SMARCE1: variants seen among roughly 807,000 people sequenced by gnomAD.
SMARCE1 encodes the protein SWI/SNF-related matrix-associated actin-dependent regulator of chromatin subfamily E member 1.
Under a neutral mutation model 54.9 loss-of-function variants are expected in SMARCE1, and 13 were observed. The observed-to-expected ratio is 0.24, with a 90% CI of 0.15 to 0.38. The LOEUF is 0.38. Ranked by LOEUF, SMARCE1 falls within the 10% of genes least tolerant of loss-of-function variation. The pLI is 1.00. For missense variants in SMARCE1, 295 were observed against 523.8 expected (o/e 0.56, Z 4.26); for synonymous variants, 151 against 175.3 (o/e 0.86, Z 1.10).
intron 4 of SMARCE1, among the ~76,000 whole-genome samples, chr17:40,639,293 C>T (rs1351096784): frequency 2.0e-5 from 3 of 152,140 alleles, no homozygotes; most frequent in African/African-American, 4.8e-5. Context: ...CTTCTTCACA[C>T]ATAAAGTTAC....
At position 40,626,595 on chromosome 17, in the gene SMARCE1, G is replaced by A. The variant is rs2037037418; in HGVS notation, c.*2190C>T. On this transcript the variant is annotated 3_prime_UTR_variant, in exon 11 of 11. Transcript: ENST00000348513. ...AGCTGTCAAATCCCAACTGAGGCCG[G>A]GCACAGTGGCTCACGCCTGTAATCC... The A allele has an allele frequency of 6.6e-6, 1 of 152,360 alleles. No homozygotes were observed. The highest frequency in any genetic ancestry group is 2.4e-5 in the African/African-American group (1 of 41,434). 9.4% of individuals were successfully genotyped at this position (152,360 alleles called of 1,614,324 possible).
At chr17:40,631,536 A>G in intron 9 of SMARCE1, 56 bp downstream of exon 9, 1 of 896,862 alleles carries the variant, frequency 1.1e-6, no homozygotes. Context: ...AAGAATGAGG[A>G]AAAATAAAGT....
intron 4 of SMARCE1, chr17:40,637,782 T>C (rs1468017979): frequency 3.7e-6 from 2 of 543,842 alleles, no homozygotes; most frequent in Non-Finnish European, 6.6e-6. Flanking sequence ...TAGCAGTTTA[T>C]TGCCAATGCT....
intron 10 of SMARCE1, chr17:40,630,343 G>C (rs556383910): frequency 2.6e-6 from 2 of 774,168 alleles, no homozygotes; most frequent in East Asian, 5.3e-5. Flanking sequence ...AGTTGTTGTT[G>C]CAACTACTCA....
rs1250789050 is a variant in SMARCE1, at chr17:40,627,708, CCTTT to C, written c.*1073_*1076del. The stretch of plus-strand genomic sequence containing the variant: ...ATGTAGTGCATTAAAAACACTGAGA[CCTTT>C]TTTTCATTTTTTTTTTTATTACATT... On this transcript the variant is annotated 3_prime_UTR_variant, in exon 11 of 11. Transcript: ENST00000348513. The C allele has an allele frequency of 1.1e-5, 1 of 92,054 alleles. No homozygotes were observed. Among genetic ancestry groups the C allele is most frequent in the East Asian group, 3.6e-4 (1 of 2,784 alleles). The allele number at this position is 92,054 out of a possible 1,614,324, so 5.7% of individuals were successfully genotyped here.
In SMARCE1 at chr17:40,628,754, A is replaced by G; in HGVS notation, c.*31T>C. On this transcript the variant is annotated 3_prime_UTR_variant, in exon 11 of 11. Coordinates refer to ENST00000348513, the MANE Select transcript of SMARCE1 (RefSeq NM_003079.5). Reference sequence around the variant, plus strand: ...CAAAAAACATTTTTTCATTAAAAAAAGTATTTAGAACACACAAAACAAGGC... The same window carrying G: ...CAAAAAACATTTTTTCATTAAAAAAGGTATTTAGAACACACAAAACAAGGC... 1.3e-6 allele frequency: 2 copies of G among 1,545,316 alleles called. No homozygotes were observed. Among genetic ancestry groups the G allele is most frequent in the East Asian group, 2.3e-5 (1 of 44,374 alleles).
chr17:40,634,234 A>T (rs1267568966), intron 7 of SMARCE1: 1 of 152,448 alleles, frequency 6.6e-6, no homozygotes, highest in Non-Finnish European at 1.5e-5. Flanking sequence ...GGCTCAACTG[A>T]TCCTCCTACC....
intron 4 of SMARCE1, among the ~76,000 whole-genome samples, chr17:40,639,610 C>G (rs1243339952): frequency 6.6e-6 from 1 of 152,004 alleles, no homozygotes; most frequent in Non-Finnish European, 1.5e-5. Flanking sequence ...TATATTGAGA[C>G]CAGTCAACTT....
chr17:40,637,776 A>G (rs1391888889), intron 4 of SMARCE1: 2 of 554,530 alleles, frequency 3.6e-6, no homozygotes, highest in Non-Finnish European at 6.5e-6. Context: ...TTTACTTAGC[A>G]GTTTATTGCC....
chr17:40,647,266 C>T (rs1488721514), intron 1 of SMARCE1: 5 of 152,250 alleles, frequency 3.3e-5, no homozygotes, highest in Admixed American at 3.3e-4. Flanking sequence ...CAGCTATCCC[C>T]ATTTTACAGA....
rs1256760686 is a variant in SMARCE1, at chr17:40,628,057, A to G, written c.*728T>C. The G allele has an allele frequency of 6.6e-6, 1 of 152,646 alleles. No homozygotes were observed. The highest frequency in any genetic ancestry group is 6.5e-5 in the Admixed American group (1 of 15,276). 9.5% of individuals were successfully genotyped at this position (152,646 alleles called of 1,614,324 possible). A position where few individuals can be genotyped will look rare whatever the true frequency, so the allele number is the denominator to read the frequency against. On this transcript the variant is annotated 3_prime_UTR_variant, in exon 11 of 11. Coordinates refer to ENST00000348513, the MANE Select transcript of SMARCE1 (RefSeq NM_003079.5). ...CTTTGTGATCTATTCTGTCTTTGGA[A>G]AACCTGGTAAAAAAGTAATTTTTTT...
chr17:40,628,527 T>C lies in SMARCE1; in HGVS notation c.*258A>G. On this transcript the variant is annotated 3_prime_UTR_variant, in exon 11 of 11. Coordinates refer to ENST00000348513, the MANE Select transcript of SMARCE1 (RefSeq NM_003079.5). Reference sequence around the variant, plus strand: ...AATTCTCTAAAAGAGGTGGGTGTTTTCTCAATTAATCTAAATTCTGAGGCT... The same window carrying C: ...AATTCTCTAAAAGAGGTGGGTGTTTCCTCAATTAATCTAAATTCTGAGGCT... 2.5e-6 allele frequency: 1 copy of C among 407,226 alleles called. No individual in the cohort carries two copies. The allele number at this position is 407,226 out of a possible 1,614,324, so 25.2% of individuals were successfully genotyped here.
rs202002074 is a variant in SMARCE1, at chr17:40,632,423, G to GT, written c.542-57dup. ...GTCACCAGTAACCATAAAAAGGAGT[G>GT]TAACAATGTTAACACTTAATTACCA... On this transcript the variant is annotated intron_variant, in intron 7 of 10. Coordinates refer to ENST00000348513, the MANE Select transcript of SMARCE1 (RefSeq NM_003079.5). 0.013 allele frequency: 19,414 copies of GT among 1,490,288 alleles called. 183 individuals carry two copies. The highest frequency in any genetic ancestry group is 0.016 in the Non-Finnish European group (17,111 of 1,077,966). 92.3% of individuals were successfully genotyped at this position (1,490,288 alleles called of 1,614,324 possible).
At position 40,627,620 on chromosome 17, in the gene SMARCE1, G is replaced by A. The variant is rs1415664819; in HGVS notation, c.*1165C>T. The A allele has an allele frequency of 6.6e-6, 1 of 152,618 alleles. No individual in the cohort carries two copies. Among genetic ancestry groups the A allele is most frequent in the Non-Finnish European group, 1.5e-5 (1 of 68,040 alleles). The allele number at this position is 152,618 out of a possible 1,614,324, so 9.5% of individuals were successfully genotyped here. ...GAGTACACAAATTTATAATGGCTGA[G>A]TGGTCATTCCACACTGTCACTGCAT... On this transcript the variant is annotated 3_prime_UTR_variant, in exon 11 of 11. Transcript: ENST00000348513.
Position 40,630,735 on chromosome 17 carries a change from C to G in SMARCE1, c.1006G>C (p.Glu336Gln), listed in dbSNP as rs377136485. 1.2e-6 allele frequency: 2 copies of G among 1,614,104 alleles called. No individual in the cohort carries two copies. ...TTACCTGTCTCCATCGGAATGTTCT[C>G]GTCGTCTTTCTTCTCCTCGCCTTTG... ...ANKGEEKKDDENIPMETEETH... is the reference protein window; with the variant it reads ...ANKGEEKKDDQNIPMETEETH... The change falls in exon 10 of 11, where the codon GAG becomes CAG. Residue 336 changes from glutamate to glutamine, a missense_variant. Physicochemically the swap from Glu to Gln is conservative, Grantham distance 29. Transcript: ENST00000348513.
chr17:40,642,296 A>T lies in SMARCE1; in HGVS notation c.156+159T>A. 1.5e-6 allele frequency: 1 copy of T among 680,100 alleles called. No individual in the cohort carries two copies. The allele number at this position is 680,100 out of a possible 1,614,324, so 42.1% of individuals were successfully genotyped here. On this transcript the variant is annotated intron_variant, in intron 4 of 10. Transcript: ENST00000348513. The surrounding 1 kb of genome is among the most constrained non-coding windows in gnomAD (Gnocchi z 4.6). ...TCCAGATCTCACTATTTATTTTTTC[A>T]GTGTGAGATGCTACAACGAATGTTG... is the stretch of plus-strand genomic sequence containing the variant.
Position 40,642,198 on chromosome 17 carries a change from A to T in SMARCE1, c.156+257T>A. 1 of 600,012 alleles carries T rather than the reference A, an allele frequency of 1.7e-6. No individual in the cohort carries two copies. Among genetic ancestry groups the T allele is most frequent in the Non-Finnish European group, 2.9e-6 (1 of 340,844 alleles). The allele number at this position is 600,012 out of a possible 1,614,324, so 37.2% of individuals were successfully genotyped here. A position where few individuals can be genotyped will look rare whatever the true frequency, so the allele number is the denominator to read the frequency against. On this transcript the variant is annotated intron_variant, in intron 4 of 10. Coordinates refer to ENST00000348513, the MANE Select transcript of SMARCE1 (RefSeq NM_003079.5). This position sits in a 1 kb window ranked among gnomAD's most constrained non-coding sequence, Gnocchi z 4.6. ...ATTCTGTTTGTTTACATACAGTATA[A>T]GCATCAAGTGCTCAAGGCTTTAACC... is the stretch of plus-strand genomic sequence containing the variant.
chr17:40,632,657 C>A, intron 7 of SMARCE1: 1 of 305,878 alleles, frequency 3.3e-6, no homozygotes, highest in South Asian at 6.9e-5. Flanking sequence ...CTTCTGGCTT[C>A]GGAATCAATG....
In SMARCE1 at chr17:40,627,532, G is replaced by A. The variant is rs921105292; in HGVS notation, c.*1253C>T. The A allele has an allele frequency of 2.6e-5, 4 of 152,268 alleles. No homozygotes were observed. Among genetic ancestry groups the A allele is most frequent in the Admixed American group, 6.5e-5 (1 of 15,274 alleles). The allele number at this position is 152,268 out of a possible 1,614,324, so 9.4% of individuals were successfully genotyped here. On this transcript the variant is annotated 3_prime_UTR_variant, in exon 11 of 11. Coordinates refer to ENST00000348513, the MANE Select transcript of SMARCE1 (RefSeq NM_003079.5). Reference sequence around the variant, plus strand: ...AATGTAAGAAAACTGATTTTCACAAGTGTCTTGTACAAATAAGCTACTGCA... The same window carrying A: ...AATGTAAGAAAACTGATTTTCACAAATGTCTTGTACAAATAAGCTACTGCA...
Sources: allele counts gnomAD v4.1 joint callset (sites outside exome capture counted in the v4.1 genomes callset), GRCh38; gene constraint gnomAD v4.1.1; non-coding constraint Gnocchi (gnomAD v3.1); transcripts MANE v1.5; gene names NCBI Gene and HGNC (gene_info 2026-07-23, HGNC 2026-07-21).